Variants in CDC42BPB observed in about 807,000 individuals in gnomAD.
CDC42BPB encodes the protein serine/threonine-protein kinase MRCK beta.
In CDC42BPB, 37 loss-of-function variants were observed where a neutral mutation model predicts 214.9. The observed-to-expected ratio is 0.17, with a 90% CI of 0.13 to 0.23. CDC42BPB has a LOEUF of 0.23. Ranked by LOEUF, CDC42BPB falls within the 10% of genes least tolerant of loss-of-function variation. The pLI is 1.00. For synonymous variants in CDC42BPB, 931 were observed against 884.0 expected, an observed-to-expected ratio of 1.05 and a Z score of -0.94; for missense variants, 1,694 against 2,227.0, an observed-to-expected ratio of 0.76 and a Z score of 4.82.
chr14:102,959,838 T>TAAA (rs35833302), intron 20 of CDC42BPB, 128 bp from the exon 21 acceptor site: 1,663 of 716,026 alleles, frequency 2.3e-3, no homozygotes, highest in South Asian at 4.2e-3. Context: ...TGATCACAAT[T>TAAA]AAAAAAAAAA....
At chr14:103,009,311 T>C (rs761297430) in intron 2 of CDC42BPB, among the ~76,000 whole-genome samples, 2 of 152,190 alleles carry the variant, frequency 1.3e-5, no homozygotes, top group Non-Finnish European at 2.9e-5. Context: ...AGAGCTGCCA[T>C]TCACCAGGCA....
intron 24 of CDC42BPB, 50 bp from the exon 25 acceptor site, chr14:102,950,652 G>A (rs1892446146): frequency 6.7e-7 from 1 of 1,492,514 alleles, no homozygotes; most frequent in East Asian, 2.4e-5. Flanking sequence ...CTACAGAGAA[G>A]TCACTGCAGA....
rs905810949 is a variant in CDC42BPB, at chr14:102,968,660, G to A, written c.2052C>T (p.Ser684=). ...TCTTCTCCAGCTCGGATTTGATTTT[G>A]GAAATCTCTTGCTGGTGCTCTAAGG... is the stretch of plus-strand genomic sequence containing the variant. ...GATLEHQQEI[S]KIKSELEKKV... The change falls in exon 15 of 37, where the codon TCC becomes TCT. Residue 684 remains serine, a synonymous_variant. Coordinates refer to ENST00000361246, the MANE Select transcript of CDC42BPB (RefSeq NM_006035.4). The A allele has an allele frequency of 6.2e-7, 1 of 1,614,028 alleles. No individual in the cohort carries two copies. The highest frequency in any genetic ancestry group is 1.3e-5 in the African/African-American group (1 of 74,910).
At chr14:102,967,283 G>A in intron 16 of CDC42BPB, 113 bp from the exon 17 acceptor site, 1 of 1,431,610 alleles carries the variant, frequency 7.0e-7, no homozygotes, top group East Asian at 2.5e-5. Context: ...TAATCGTCAT[G>A]AGATTTTTCC....
At chr14:102,997,271 A>T (rs1268714712) in intron 5 of CDC42BPB, among the ~76,000 whole-genome samples, 2 of 152,220 alleles carry the variant, frequency 1.3e-5, no homozygotes, top group African/African-American at 4.8e-5. Context: ...CGAAGTCCCA[A>T]GGGGAAAGTG....
At chr14:102,988,843 A>AAAAAC (rs927370304) in intron 5 of CDC42BPB, among the ~76,000 whole-genome samples, 3 of 150,730 alleles carry the variant, frequency 2.0e-5, no homozygotes, top group Admixed American at 1.3e-4. Context: ...AAAAATACTA[A>AAAAAC]AAAACAAAAC....
At chr14:102,967,547 C>T (rs946629613) in intron 16 of CDC42BPB, among the ~76,000 whole-genome samples, 2 of 152,224 alleles carry the variant, frequency 1.3e-5, no homozygotes, top group Non-Finnish European at 2.9e-5. Flanking sequence ...AATGCACTCA[C>T]GCAAGCCTAG....
chr14:102,954,684 C>T lies in CDC42BPB; in HGVS notation c.2906G>A (p.Ser969Asn), dbSNP rs556232471. 5 of 1,613,424 alleles carry T rather than the reference C, an allele frequency of 3.1e-6. No homozygotes were observed. The highest frequency in any genetic ancestry group is 4.2e-6 in the Non-Finnish European group (5 of 1,179,582). ...PLAHDLTFRT[S>N]SASEQETQAP... Reference sequence around the variant, plus strand: ...TTGTGTTTCTTGCTCACTAGCTGAGCTGGTCTGTGAGAACCAAGAAAGAAA... The same window carrying T: ...TTGTGTTTCTTGCTCACTAGCTGAGTTGGTCTGTGAGAACCAAGAAAGAAA... Residue 969 changes from serine to asparagine, a missense_variant, in exon 22 of 37, where the codon AGC (serine) becomes AAC (asparagine). Ser to Asn is a conservative substitution (Grantham distance 46). Coordinates refer to ENST00000361246, the MANE Select transcript of CDC42BPB (RefSeq NM_006035.4).
intron 18 of CDC42BPB, 147 bp downstream of exon 18, chr14:102,966,135 T>C (rs1290861613): frequency 1.8e-6 from 1 of 565,010 alleles, no homozygotes; most frequent in Non-Finnish European, 3.2e-6. Flanking sequence ...CTGGCAAATG[T>C]TGGCGTTCCT....
At chr14:103,045,333 T>A (rs1377477569) in intron 1 of CDC42BPB, among the ~76,000 whole-genome samples, 3 of 152,224 alleles carry the variant, frequency 2.0e-5, no homozygotes, top group Non-Finnish European at 4.4e-5. Flanking sequence ...CCAAAAGCTC[T>A]GGAGGTTAAA....
chr14:103,018,680 G>A (rs1256379785), intron 1 of CDC42BPB, among the ~76,000 whole-genome samples: 1 of 152,202 alleles, frequency 6.6e-6, no homozygotes, highest in Non-Finnish European at 1.5e-5. Flanking sequence ...GGGGTGAGGA[G>A]GGGAGTAGGG....
At chr14:103,020,352 G>A (rs762957681) in intron 1 of CDC42BPB, among the ~76,000 whole-genome samples, 9 of 152,140 alleles carry the variant, frequency 5.9e-5, no homozygotes, top group Non-Finnish European at 1.0e-4. Flanking sequence ...CTCTCCTGAG[G>A]TCCTCTCCTT....
In CDC42BPB at chr14:102,959,658, A is replaced by G; in HGVS notation, c.2874T>C (p.Ala958=). The change falls in exon 21 of 37, where the codon GCT becomes GCC. Residue 958 remains alanine (A), a synonymous_variant. Transcript: ENST00000361246. Reference sequence around the variant, plus strand: ...TAAATGTCAGGTCATGTGCAAGAGGAGCAGTGTTGAAATACTCAAAAATGG... The same window carrying G: ...TAAATGTCAGGTCATGTGCAAGAGGGGCAGTGTTGAAATACTCAAAAATGG... ...QDSIFEYFNT[A]PLAHDLTFRT... 6.2e-7 allele frequency: 1 copy of G among 1,610,800 alleles called. No individual in the cohort carries two copies. The highest frequency in any genetic ancestry group is 8.5e-7 in the Non-Finnish European group (1 of 1,178,476).
chr14:102,983,266 A>C lies in CDC42BPB; in HGVS notation c.891+290T>G, dbSNP rs1009730172. Reference sequence around the variant, plus strand: ...ACAGAAACCTGCCTTCCCTCCAGGAAGCCAGCTTGGAGCAGGCCAGCGTCC... The same window carrying C: ...ACAGAAACCTGCCTTCCCTCCAGGACGCCAGCTTGGAGCAGGCCAGCGTCC... On this transcript the variant is annotated intron_variant, in intron 7 of 36. Coordinates refer to ENST00000361246, the MANE Select transcript of CDC42BPB (RefSeq NM_006035.4). Among the ~76,000 whole-genome samples, 19 of 152,254 alleles carry C rather than the reference A, an allele frequency of 1.2e-4. No homozygotes were observed. The East Asian group carries it at 3.5e-3, about 28-fold the overall frequency.
At chr14:102,954,113 T>C (rs1375562852) in intron 23 of CDC42BPB, 85 bp downstream of exon 23, 1 of 955,082 alleles carries the variant, frequency 1.0e-6, no homozygotes, top group East Asian at 2.6e-5. Flanking sequence ...GTTTTATTTA[T>C]ACAAAACTTA....
At chr14:103,017,195 C>T (rs1461847678) in intron 1 of CDC42BPB, among the ~76,000 whole-genome samples, 1 of 152,100 alleles carries the variant, frequency 6.6e-6, no homozygotes, top group Admixed American at 6.5e-5. Flanking sequence ...TAGCGGCACA[C>T]ACCTGTGGTT....
At chr14:102,963,028 C>A in intron 20 of CDC42BPB, 33 bp downstream of exon 20, 1 of 985,540 alleles carries the variant, frequency 1.0e-6, no homozygotes, top group South Asian at 1.4e-5. Context: ...TACTTATATT[C>A]AAATAATGCA....
intron 1 of CDC42BPB, among the ~76,000 whole-genome samples, chr14:103,047,663 G>A (rs998185627): frequency 2.0e-4 from 30 of 152,098 alleles, no homozygotes; most frequent in African/African-American, 6.8e-4. Context: ...TGACACTTGG[G>A]GAGGCCGAAG....
At chr14:102,956,868 C>T (rs536661941) in intron 21 of CDC42BPB, among the ~76,000 whole-genome samples, 1 of 151,046 alleles carries the variant, frequency 6.6e-6, no homozygotes, top group South Asian at 2.1e-4. Flanking sequence ...GTTATGTGTG[C>T]TTATATCACA....
Sources: gnomAD v4.1 joint callset for allele counts (sites outside exome capture counted in the v4.1 genomes callset) on GRCh38, gnomAD v4.1.1 for gene constraint, MANE v1.5 for transcripts, NCBI Gene and HGNC (gene_info 2026-07-23, HGNC 2026-07-21) for gene names.